MCTP2: variants seen among roughly 807,000 people sequenced by gnomAD.
MCTP2 encodes the protein multiple C2 and transmembrane domain containing 2.
Under a neutral mutation model 111.6 loss-of-function variants are expected in MCTP2, and 132 were observed. The observed-to-expected ratio is 1.18, with a 90% confidence interval of 1.03 to 1.37. The LOEUF (loss-of-function observed/expected upper bound fraction) is 1.37, where lower values mean the gene tolerates loss of function less well. Ranked by LOEUF, MCTP2 falls within the 40% of genes most tolerant of loss-of-function variation. The probability of loss-of-function intolerance (pLI) is 0.00; values close to 1 mark genes in which losing one functional copy is unlikely to be tolerated. For synonymous variants in MCTP2, 395 were observed against 387.7 expected (o/e 1.02, Z -0.22); for missense variants, 1,183 against 1,067.9 (o/e 1.11, Z -1.50).
intron 1 of MCTP2, among the ~76,000 whole-genome samples, chr15:94,254,756 T>A (rs2072658125): frequency 6.6e-6 from 1 of 152,208 alleles, no homozygotes; most frequent in Non-Finnish European, 1.5e-5. Flanking sequence ...ATAAATGAAT[T>A]TAAATTTTAT....
chr15:94,387,061 G>A (rs41444346), intron 14 of MCTP2, among the ~76,000 whole-genome samples: 26,557 of 151,940 alleles, frequency 0.17, 2,505 homozygotes, highest in Middle Eastern at 0.21. Flanking sequence ...TCTGGTTTGT[G>A]AAAAGCATTA....
At chr15:94,284,442 T>A (rs2074653673) in intron 1 of MCTP2, among the ~76,000 whole-genome samples, 1 of 152,230 alleles carries the variant, frequency 6.6e-6, no homozygotes, top group African/African-American at 2.4e-5. Flanking sequence ...CTGTGGAACA[T>A]TAATCAATAT....
chr15:94,279,251 A>G (rs1419546327), intron 1 of MCTP2, among the ~76,000 whole-genome samples: 1 of 152,182 alleles, frequency 6.6e-6, no homozygotes, highest in Non-Finnish European at 1.5e-5. Context: ...ATTCAAGAGC[A>G]TGGAATGCTT....
At chr15:94,323,192 C>G in intron 4 of MCTP2, among the ~76,000 whole-genome samples, 1 of 152,162 alleles carries the variant, frequency 6.6e-6, no homozygotes, top group Non-Finnish European at 1.5e-5. Context: ...TAGAAAGACT[C>G]ACAAGGAAGT....
intron 4 of MCTP2, among the ~76,000 whole-genome samples, chr15:94,316,867 T>C (rs1423184858): frequency 6.6e-6 from 1 of 152,154 alleles, no homozygotes; most frequent in African/African-American, 2.4e-5. Flanking sequence ...GGACGGTTTC[T>C]CCTGTTGCTT....
intron 14 of MCTP2, among the ~76,000 whole-genome samples, chr15:94,386,160 G>T (rs942618285): frequency 1.3e-5 from 2 of 152,108 alleles, no homozygotes; most frequent in Admixed American, 1.3e-4. Flanking sequence ...ACCAAAGAAT[G>T]CCTTTACATG....
intron 16 of MCTP2, 121 bp from the exon 17 acceptor site, chr15:94,401,779 T>C: frequency 7.8e-6 from 5 of 640,570 alleles, no homozygotes; most frequent in East Asian, 3.0e-5. Flanking sequence ...CTTTCTATTA[T>C]TATCATATTT....
intron 10 of MCTP2, among the ~76,000 whole-genome samples, chr15:94,366,040 C>A (rs896724846): frequency 1.3e-5 from 2 of 152,116 alleles, no homozygotes; most frequent in Admixed American, 1.3e-4. Flanking sequence ...ACCTACTTTT[C>A]TAGAAATAAA....
intron 1 of MCTP2, among the ~76,000 whole-genome samples, chr15:94,249,246 T>C (rs1175238004): frequency 6.6e-6 from 1 of 152,244 alleles, no homozygotes; most frequent in South Asian, 2.1e-4. Context: ...ATATGTGGAC[T>C]TTCCTGTATT....
intron 19 of MCTP2, among the ~76,000 whole-genome samples, chr15:94,448,114 T>A (rs1343693637): frequency 6.6e-6 from 1 of 152,252 alleles, no homozygotes; most frequent in Non-Finnish European, 1.5e-5. Context: ...CCCAATTTCC[T>A]GTAGTCCGCT....
In MCTP2 at chr15:94,442,965, G is replaced by A. The variant is rs754361493; in HGVS notation, c.2250+5G>A. ...GAGGAGGATGAAGATGACAAGGTGCGTATGTTCAAGAAAGAACACACACAA... is the reference window on the plus strand; with the variant it reads ...GAGGAGGATGAAGATGACAAGGTGCATATGTTCAAGAAAGAACACACACAA... On this transcript the variant is annotated splice_donor_5th_base_variant and intron_variant, in intron 19 of 22. Coordinates refer to ENST00000357742, the MANE Select transcript of MCTP2 (RefSeq NM_001385001.1). 7.4e-6 allele frequency: 12 copies of A among 1,611,952 alleles called. No homozygotes were observed. The highest frequency in any genetic ancestry group is 1.7e-5 in the Admixed American group (1 of 59,910).
intron 1 of MCTP2, among the ~76,000 whole-genome samples, chr15:94,257,201 CTTAAGTCTCTGCTCACA>C (rs1477163179): frequency 6.6e-6 from 1 of 152,122 alleles, no homozygotes; most frequent in Admixed American, 6.5e-5. Flanking sequence ...ATTCTTGTCA[CTTAAGTCTCTGCTCACA>C]TGCTCCCTCA....
chr15:94,392,643 T>G (rs2081052334), intron 14 of MCTP2, among the ~76,000 whole-genome samples: 1 of 151,530 alleles, frequency 6.6e-6, no homozygotes, highest in Non-Finnish European at 1.5e-5. Flanking sequence ...TGAAACCCTG[T>G]TTTCTACTAA....
At chr15:94,436,222 C>T (rs67277630) in intron 17 of MCTP2, among the ~76,000 whole-genome samples, 40,364 of 152,012 alleles carry the variant, frequency 0.27, 5,765 homozygotes, top group East Asian at 0.41. Context: ...TGGAGTTTTA[C>T]TCAGCTGGTA....
In MCTP2 at chr15:94,325,812, A is replaced by AT. The variant is rs557989149; in HGVS notation, c.637+10201dup. 2.0e-4 allele frequency among the ~76,000 whole-genome samples: 18 copies of AT among 91,874 alleles called. 1 individual carries two copies. The highest frequency in any genetic ancestry group is 2.7e-4 in the African/African-American group (6 of 22,316). 60.3% of individuals were successfully genotyped at this position (91,874 alleles called of 152,430 possible). A position where few individuals can be genotyped will look rare whatever the true frequency, so the allele number is the denominator to read the frequency against. On this transcript the variant is annotated intron_variant, in intron 4 of 22. Coordinates refer to ENST00000357742, the MANE Select transcript of MCTP2 (RefSeq NM_001385001.1). ...GAACCTACTCTACTCCATCGCTCCG[A>AT]TTTTTTTTTTTTTTTTTTTTTTTTT...
rs372217936 is a variant in MCTP2, at chr15:94,315,534, G to A, written c.534G>A (p.Pro178=). 8.7e-6 allele frequency: 14 copies of A among 1,612,046 alleles called. No individual in the cohort carries two copies. Among genetic ancestry groups the A allele is most frequent in the East Asian group, 6.7e-5 (3 of 44,846 alleles). ...TSQHFEEQSV[P]GEASDGLSNL... ...TGCCTTCTCCATCTGTGCAGGTACC[G>A]GGGGAAGCCAGTGATGGCTTGAGTA... The change falls in exon 4 of 23, where the codon CCG becomes CCA. Residue 178 remains proline (P), a synonymous_variant. Transcript: ENST00000357742.
intron 17 of MCTP2, among the ~76,000 whole-genome samples, chr15:94,404,689 A>G (rs2081809671): frequency 6.8e-6 from 1 of 146,366 alleles, no homozygotes; most frequent in Non-Finnish European, 1.5e-5. Flanking sequence ...TCATTTATGT[A>G]CCTTGCCTGT....
intron 1 of MCTP2, among the ~76,000 whole-genome samples, chr15:94,276,069 C>T (rs10152297): frequency 0.49 from 74,935 of 151,662 alleles, 18,751 homozygotes; most frequent in East Asian, 0.62. Context: ...TGGTCTTGAT[C>T]TCCTGACCTT....
chr15:94,370,092 A>G lies in MCTP2; in HGVS notation c.1494A>G (p.Leu498=). The part of the protein sequence containing the change: ...ERKQITQRYC[L]QNSLKDVKDV... ...ATCACCTTTTCAACCCTCAGTGCTTACAGAACTCCCTGAAAGATGTGAAAG... is the reference window on the plus strand; with the variant it reads ...ATCACCTTTTCAACCCTCAGTGCTTGCAGAACTCCCTGAAAGATGTGAAAG... The change falls in exon 12 of 23, where the codon TTA becomes TTG. Residue 498 remains leucine, a synonymous_variant. Transcript: ENST00000357742. 1.9e-6 allele frequency: 3 copies of G among 1,610,910 alleles called. No homozygotes were observed. The highest frequency in any genetic ancestry group is 2.5e-6 in the Non-Finnish European group (3 of 1,178,582).
Sources: allele counts gnomAD v4.1 joint callset (sites outside exome capture counted in the v4.1 genomes callset), GRCh38; gene constraint gnomAD v4.1.1; transcripts MANE v1.5; gene names NCBI Gene and HGNC (gene_info 2026-07-23, HGNC 2026-07-21).